Variants in SULT1B1 observed in about 807,000 individuals in gnomAD.
SULT1B1 encodes the protein sulfotransferase family 1B member 1, also known as sulfotransferase 1B1.
SULT1B1 carries 28 observed loss-of-function variants against 34.6 expected under a neutral mutation model. That is an observed-to-expected ratio of 0.81 (90% CI 0.60 to 1.11). The LOEUF is 1.11. Ranked by LOEUF, SULT1B1 falls within the 50% of genes least tolerant of loss-of-function variation. SULT1B1 has a pLI of 0.00. For missense variants in SULT1B1, 374 were observed against 352.2 expected, an observed-to-expected ratio of 1.06 and a Z score of -0.50; for synonymous variants, 147 against 110.2, an observed-to-expected ratio of 1.33 and a Z score of -2.09.
rs570631476 is a variant in SULT1B1 at position 69,742,481 on chromosome 4, G to A, written c.375+7240C>T. On this transcript the variant is annotated intron_variant, in intron 4 of 7. Coordinates refer to ENST00000310613, the MANE Select transcript of SULT1B1 (RefSeq NM_014465.4). ...TTTGTACATCTGATAGAATTCAGCT[G>A]TGAATCTGTCTGGCCCAGGGGTTTG... 3.3e-5 allele frequency among the ~76,000 whole-genome samples: 5 copies of A among 152,326 alleles called. No homozygotes were observed. In the East Asian group the frequency reaches 9.6e-4, roughly 29 times the overall value.
rs1464114155 is a variant in SULT1B1, at chr4:69,754,705, A to T, written c.242T>A (p.Met81Lys). 1.9e-6 allele frequency: 3 copies of T among 1,613,278 alleles called. No individual in the cohort carries two copies. In the African/African-American group the frequency reaches 4.0e-5, roughly 22 times the overall value. The change falls in exon 3 of 8, where the codon ATG becomes AAG. Residue 81 changes from methionine to lysine, a missense_variant. Physicochemically the swap from Met to Lys is moderately conservative, Grantham distance 95. Transcript: ENST00000310613. ...KRGFITEKVP[M>K]LEMTLPGLRT... ...TAATCCAGGGAGAGTCATTTCCAAC[A>T]TTGGAACTTTTTCAGTAATAAAACC...
Position 69,730,607 on chromosome 4 carries a change from G to A in SULT1B1, c.672C>T (p.Ile224=), listed in dbSNP as rs368332134. The change falls in exon 7 of 8, where the codon ATC becomes ATT. Residue 224 remains isoleucine (I), a synonymous_variant. Coordinates refer to ENST00000310613, the MANE Select transcript of SULT1B1 (RefSeq NM_014465.4). ...KNLNDEILDR[I]IHHTSFEVMK... is the part of the protein sequence containing the mutation. ...TCACTTCAAATGAGGTGTGATGGATGATCCTATCCAAGATCTCATCATTCA... is the reference window on the plus strand; with the variant it reads ...TCACTTCAAATGAGGTGTGATGGATAATCCTATCCAAGATCTCATCATTCA... 9 of 1,613,136 alleles carry A rather than the reference G, an allele frequency of 5.6e-6. No homozygotes were observed. In the African/African-American group the frequency reaches 1.2e-4, roughly 22 times the overall value.
intron 4 of SULT1B1, among the ~76,000 whole-genome samples, chr4:69,737,440 C>T (rs1351756114): frequency 6.6e-6 from 1 of 152,064 alleles, no homozygotes; most frequent in Non-Finnish European, 1.5e-5. Flanking sequence ...TAGAAGTAAA[C>T]ATAGTAGCTA....
rs1385998769 is a variant in SULT1B1 at position 69,722,856 on chromosome 4, C to T, written c.*4232G>A. 1 of 151,976 alleles carries T rather than the reference C, an allele frequency of 6.6e-6. No homozygotes were observed. The highest frequency in any genetic ancestry group is 1.5e-5 in the Non-Finnish European group (1 of 68,058). The allele number at this position is 151,976 out of a possible 1,614,324, so 9.4% of individuals were successfully genotyped here. On this transcript the variant is annotated 3_prime_UTR_variant, in exon 8 of 8. Transcript: ENST00000310613. Reference sequence around the variant, plus strand: ...TCTAACAGTATGTCCAAAACCACCACCCCCACCCCTTTCAGAACAAGTAAG... The same window carrying T: ...TCTAACAGTATGTCCAAAACCACCATCCCCACCCCTTTCAGAACAAGTAAG...
At chr4:69,747,752 T>C (rs1718808714) in intron 4 of SULT1B1, among the ~76,000 whole-genome samples, 1 of 152,140 alleles carries the variant, frequency 6.6e-6, no homozygotes, top group African/African-American at 2.4e-5. Flanking sequence ...GCAGCTAGGA[T>C]CCTGGAGGTC....
rs1433366477 is a variant in SULT1B1, at chr4:69,722,726, A to C, written c.*4362T>G. The C allele has an allele frequency of 2.0e-5, 3 of 152,250 alleles. No homozygotes were observed. The highest frequency in any genetic ancestry group is 2.1e-4 in the South Asian group (1 of 4,820). 9.4% of individuals were successfully genotyped at this position (152,250 alleles called of 1,614,324 possible). On this transcript the variant is annotated 3_prime_UTR_variant, in exon 8 of 8. Coordinates refer to ENST00000310613, the MANE Select transcript of SULT1B1 (RefSeq NM_014465.4). ...TGGAAAAGAGAAATGTTACAGCTTA[A>C]GGAGCTATTTTAGCTATTCCTGGCT...
At chr4:69,760,009 G>A (rs1241879744) in intron 1 of SULT1B1, among the ~76,000 whole-genome samples, 1 of 152,158 alleles carries the variant, frequency 6.6e-6, no homozygotes, top group East Asian at 1.9e-4. Flanking sequence ...CTCTGACAAA[G>A]TTTAGCTCTA....
At chr4:69,746,351 C>A (rs1475018900) in intron 4 of SULT1B1, among the ~76,000 whole-genome samples, 1 of 152,190 alleles carries the variant, frequency 6.6e-6, no homozygotes, top group Non-Finnish European at 1.5e-5. Flanking sequence ...CAGTGAGTCA[C>A]AGGTTTGGTG....
In SULT1B1 at chr4:69,726,702, A is replaced by C. The variant is rs545984841; in HGVS notation, c.*386T>G. The C allele has an allele frequency of 6.5e-6, 1 of 153,606 alleles. No homozygotes were observed. Among genetic ancestry groups the C allele is most frequent in the South Asian group, 2.1e-4 (1 of 4,854 alleles). 9.5% of individuals were successfully genotyped at this position (153,606 alleles called of 1,614,324 possible). ...AAATTGGGGCAGAGTTAGGAAATAT[A>C]GTCTCATTATGAAAACAGCATTTCT... On this transcript the variant is annotated 3_prime_UTR_variant, in exon 8 of 8. Coordinates refer to ENST00000310613, the MANE Select transcript of SULT1B1 (RefSeq NM_014465.4).
In SULT1B1 at chr4:69,726,506, G is replaced by A. The variant is rs372927363; in HGVS notation, c.*582C>T. On this transcript the variant is annotated 3_prime_UTR_variant, in exon 8 of 8. Coordinates refer to ENST00000310613, the MANE Select transcript of SULT1B1 (RefSeq NM_014465.4). The stretch of plus-strand genomic sequence containing the variant: ...TTGCCTTTCGGAGACTTAGACATTA[G>A]GTATGATATAGAAAAAAGATTTCCA... The A allele has an allele frequency of 6.6e-6, 1 of 151,864 alleles. No individual in the cohort carries two copies. The highest frequency in any genetic ancestry group is 2.4e-5 in the African/African-American group (1 of 41,366). 9.4% of individuals were successfully genotyped at this position (151,864 alleles called of 1,614,324 possible).
intron 4 of SULT1B1, among the ~76,000 whole-genome samples, chr4:69,749,131 G>A (rs1718870610): frequency 6.6e-6 from 1 of 151,254 alleles, no homozygotes; most frequent in Non-Finnish European, 1.5e-5. Context: ...AGAAGGAGAA[G>A]GCACAAATAA....
At chr4:69,755,397 G>T in intron 1 of SULT1B1, 136 bp from the exon 2 acceptor site, 1 of 609,824 alleles carries the variant, frequency 1.6e-6, no homozygotes, top group Non-Finnish European at 2.8e-6. Flanking sequence ...GGCATATTTT[G>T]TGGGCATTAG....
chr4:69,754,236 A>G (rs1719097335), intron 3 of SULT1B1, among the ~76,000 whole-genome samples: 1 of 152,186 alleles, frequency 6.6e-6, no homozygotes, highest in Non-Finnish European at 1.5e-5. Context: ...ATATATCTAT[A>G]CCATAGCACA....
chr4:69,747,123 TGC>T (rs1453906677), intron 4 of SULT1B1, among the ~76,000 whole-genome samples: 3 of 152,198 alleles, frequency 2.0e-5, no homozygotes, highest in African/African-American at 7.2e-5. Flanking sequence ...CAATCAGGGA[TGC>T]TGGCAAAAGT....
At chr4:69,730,426 C>T (rs1402969933) in intron 7 of SULT1B1, 75 bp downstream of exon 7, 6 of 1,375,612 alleles carry the variant, frequency 4.4e-6, no homozygotes, top group African/African-American at 1.4e-5. Flanking sequence ...TAGTAGAGAT[C>T]ACAGAACTAA....
intron 7 of SULT1B1, among the ~76,000 whole-genome samples, chr4:69,728,738 A>T (rs1420850674): frequency 1.3e-5 from 2 of 152,062 alleles, no homozygotes; most frequent in Non-Finnish European, 2.9e-5. Flanking sequence ...TTATTGTGAG[A>T]AAATATCCTA....
chr4:69,723,325 G>T lies in SULT1B1; in HGVS notation c.*3763C>A, dbSNP rs1395249337. ...ATACACCCTCCCAAGAATAAACCAG[G>T]AAGAAGTTGAATCTCTGAATAGAAA... On this transcript the variant is annotated 3_prime_UTR_variant, in exon 8 of 8. Coordinates refer to ENST00000310613, the MANE Select transcript of SULT1B1 (RefSeq NM_014465.4). 1 of 152,078 alleles carries T rather than the reference G, an allele frequency of 6.6e-6. No individual in the cohort carries two copies. The highest frequency in any genetic ancestry group is 6.6e-5 in the Admixed American group (1 of 15,258). 9.4% of individuals were successfully genotyped at this position (152,078 alleles called of 1,614,324 possible). A position where few individuals can be genotyped will look rare whatever the true frequency, so the allele number is the denominator to read the frequency against.
chr4:69,747,379 A>G (rs1718791796), intron 4 of SULT1B1, among the ~76,000 whole-genome samples: 1 of 152,204 alleles, frequency 6.6e-6, no homozygotes, highest in Non-Finnish European at 1.5e-5. Context: ...TGCTGGCTGA[A>G]GAACTATGAC....
intron 4 of SULT1B1, among the ~76,000 whole-genome samples, chr4:69,736,544 C>T (rs1003097368): frequency 1.3e-5 from 2 of 151,802 alleles, no homozygotes; most frequent in Non-Finnish European, 2.9e-5. Context: ...AGTTATGAGG[C>T]TCCTATTCAC....
Sources: gnomAD v4.1 joint callset for allele counts (sites outside exome capture counted in the v4.1 genomes callset) on GRCh38, gnomAD v4.1.1 for gene constraint, MANE v1.5 for transcripts, NCBI Gene and HGNC (gene_info 2026-07-23, HGNC 2026-07-21) for gene names.